The following SLC4A10 variants were observed in gnomAD, a reference collection of about 807,000 sequenced individuals.
The protein encoded by SLC4A10 is sodium-driven chloride bicarbonate exchanger.
Under a neutral mutation model 137.7 loss-of-function variants are expected in SLC4A10, and 42 were observed. The observed-to-expected ratio is 0.30, with a 90% CI of 0.24 to 0.39. The LOEUF is 0.39. SLC4A10 is among the 10% of genes least tolerant of loss of function. The pLI, the probability that SLC4A10 is intolerant of heterozygous loss-of-function variation, is 1.00. For missense variants in SLC4A10, 925 were observed against 1,355.0 expected (o/e 0.68, Z 4.98); for synonymous variants, 474 against 464.1 (o/e 1.02, Z -0.27).
intron 14 of SLC4A10, 71 bp from the exon 15 acceptor site, chr2:161,905,571 C>T: frequency 2.0e-6 from 3 of 1,511,934 alleles, no homozygotes; most frequent in Non-Finnish European, 2.7e-6. Context: ...GGTTTATTTT[C>T]ATTTGCTTAA....
chr2:161,978,817 T>C (rs1244318951), intron 26 of SLC4A10, among the ~76,000 whole-genome samples: 1 of 152,228 alleles, frequency 6.6e-6, no homozygotes, highest in Non-Finnish European at 1.5e-5. Flanking sequence ...GTATTTTCTG[T>C]CTTAATAGGA....
Position 161,698,576 on chromosome 2 carries a change from T to G in SLC4A10, c.49-72397T>G, listed in dbSNP as rs561923311. On this transcript the variant is annotated intron_variant, in intron 1 of 26. Transcript: ENST00000446997. ...TCTATTGAGATAACCATGAGGTTTTTGTTGTTGGTTCTGTTTATATGCTGG... is the reference window on the plus strand; with the variant it reads ...TCTATTGAGATAACCATGAGGTTTTGGTTGTTGGTTCTGTTTATATGCTGG... 5.3e-5 allele frequency among the ~76,000 whole-genome samples: 8 copies of G among 152,322 alleles called. No individual in the cohort carries two copies. In the South Asian group the frequency reaches 1.0e-3, roughly 20 times the overall value.
chr2:161,716,663 A>G (rs1297593362), intron 1 of SLC4A10, among the ~76,000 whole-genome samples: 2 of 152,074 alleles, frequency 1.3e-5, no homozygotes, highest in Non-Finnish European at 2.9e-5. Flanking sequence ...CCATTGGTCT[A>G]TGTGTCTGTT....
chr2:161,894,764 TC>T lies in SLC4A10; in HGVS notation c.1283del (p.Pro428LeufsTer11), dbSNP rs758005592. 2 of 1,436,762 alleles carry T rather than the reference TC, an allele frequency of 1.4e-6. No homozygotes were observed. Among genetic ancestry groups the T allele is most frequent in the Non-Finnish European group, 1.8e-6 (2 of 1,084,538 alleles). 89.0% of individuals were successfully genotyped at this position (1,436,762 alleles called of 1,614,324 possible). On this transcript the variant is annotated frameshift_variant, in exon 11 of 27. Transcript: ENST00000446997. LOFTEE classifies it high-confidence loss of function. ...IDEFLDQVTVLPPGEWDPSIR... is the reference protein window; with the variant it reads ...IDEFLDQVTVXPPGEWDPSIR... ...GAGTTTCTGGATCAGGTTACTGTTC[TC>T]CCTCCTGGAGAATGGGATCCAAGCA...
chr2:161,981,981 A>G (rs1171900882), intron 26 of SLC4A10, among the ~76,000 whole-genome samples: 1 of 152,176 alleles, frequency 6.6e-6, no homozygotes, highest in East Asian at 1.9e-4. Context: ...TGGAGGAAAA[A>G]CAATTTAAAA....
At chr2:161,865,080 C>T (rs1185553999) in intron 6 of SLC4A10, among the ~76,000 whole-genome samples, 1 of 151,932 alleles carries the variant, frequency 6.6e-6, no homozygotes, top group East Asian at 1.9e-4. Context: ...TTCAAAGAGG[C>T]AAGGATCTTG....
At chr2:161,749,747 T>C (rs1002317804) in intron 1 of SLC4A10, among the ~76,000 whole-genome samples, 1 of 151,926 alleles carries the variant, frequency 6.6e-6, no homozygotes, top group South Asian at 2.1e-4. Flanking sequence ...GGTGTCTTTG[T>C]CTGGCTTTAA....
intron 18 of SLC4A10, 42 bp downstream of exon 18, chr2:161,949,303 A>T: frequency 7.6e-7 from 1 of 1,313,974 alleles, no homozygotes; most frequent in South Asian, 1.2e-5. Flanking sequence ...CTCTCGGTCT[A>T]ATCTTCATTT....
intron 1 of SLC4A10, among the ~76,000 whole-genome samples, chr2:161,679,686 C>CAT (rs71009335): frequency 2.9e-5 from 4 of 136,694 alleles, no homozygotes; most frequent in Non-Finnish European, 4.7e-5. Context: ...TGTAGGTCAA[C>CAT]GTGTGTGTGT....
At chr2:161,874,060 A>G in intron 8 of SLC4A10, 55 bp downstream of exon 8, 2 of 1,484,238 alleles carry the variant, frequency 1.3e-6, no homozygotes, top group South Asian at 2.4e-5. Context: ...ATTTCACTGT[A>G]TGGAGGCATG....
chr2:161,664,691 T>C (rs966882976), intron 1 of SLC4A10, among the ~76,000 whole-genome samples: 3 of 127,484 alleles, frequency 2.4e-5, no homozygotes, highest in African/African-American at 5.8e-5. Flanking sequence ...ATTGTCTAAG[T>C]TTAGTGGGGA....
intron 1 of SLC4A10, chr2:161,708,596 CA>C: frequency 7.8e-7 from 1 of 1,279,790 alleles, no homozygotes; most frequent in Non-Finnish European, 1.0e-6. Flanking sequence ...TGTAACTGCA[CA>C]GGGGAGATGA....
chr2:161,705,314 T>C (rs1481134578), intron 1 of SLC4A10, among the ~76,000 whole-genome samples: 1 of 151,554 alleles, frequency 6.6e-6, no homozygotes, highest in African/African-American at 2.4e-5. Context: ...GTATGTCACT[T>C]AACTTCCCTA....
At chr2:161,831,352 G>A (rs1348237899) in intron 3 of SLC4A10, among the ~76,000 whole-genome samples, 1 of 151,960 alleles carries the variant, frequency 6.6e-6, no homozygotes, top group Non-Finnish European at 1.5e-5. Context: ...CTCTATAGCT[G>A]TTACTGATTT....
intron 13 of SLC4A10, 38 bp from the exon 14 acceptor site, chr2:161,904,738 A>T (rs1341396912): frequency 6.2e-7 from 1 of 1,611,524 alleles, no homozygotes; most frequent in African/African-American, 1.3e-5. Flanking sequence ...GGCCTCCTGT[A>T]CAGCTTAGGT....
At chr2:161,921,672 AC>A (rs1222310144) in intron 15 of SLC4A10, among the ~76,000 whole-genome samples, 2 of 152,224 alleles carry the variant, frequency 1.3e-5, no homozygotes, top group African/African-American at 4.8e-5. Context: ...ACCTTGTGGG[AC>A]AAGTATTATC....
intron 4 of SLC4A10, among the ~76,000 whole-genome samples, chr2:161,851,962 T>A (rs970140304): frequency 6.6e-6 from 1 of 152,172 alleles, no homozygotes; most frequent in African/African-American, 2.4e-5. Context: ...TTATCATGGC[T>A]CACTCCAGCC....
At chr2:161,932,194 C>T (rs969173002) in intron 15 of SLC4A10, among the ~76,000 whole-genome samples, 1 of 152,124 alleles carries the variant, frequency 6.6e-6, no homozygotes, top group Non-Finnish European at 1.5e-5. Flanking sequence ...AACTGGCTTA[C>T]AGACTGAGGT....
At chr2:161,677,355 T>C (rs185394454) in intron 1 of SLC4A10, among the ~76,000 whole-genome samples, 236 of 152,296 alleles carry the variant, frequency 1.5e-3, no homozygotes, top group East Asian at 1.2e-3. Flanking sequence ...ACCTGTTTTC[T>C]TTACAAATCA....
Sources: gnomAD v4.1 joint callset for allele counts (sites outside exome capture counted in the v4.1 genomes callset) on GRCh38, gnomAD v4.1.1 for gene constraint, MANE v1.5 for transcripts, NCBI Gene and HGNC (gene_info 2026-07-23, HGNC 2026-07-21) for gene names.